Variants in DACH2 observed in about 807,000 individuals in gnomAD.
DACH2 encodes dachshund family transcription factor 2, also known as dachshund homolog 2.
Under a neutral mutation model 35.8 loss-of-function variants are expected in DACH2, and 17 were observed. That is an observed-to-expected ratio of 0.48 (90% CI 0.33 to 0.71). DACH2 has a LOEUF of 0.71. DACH2 is among the 30% of genes least tolerant of loss of function. DACH2 has a pLI of 0.02. For missense variants in DACH2, 469 were observed against 472.7 expected, an observed-to-expected ratio of 0.99 and a Z score of 0.07; for synonymous variants, 195 against 177.3, an observed-to-expected ratio of 1.10 and a Z score of -0.79.
chrX:86,233,484 A>T (rs1159304588), intron 1 of DACH2, among the ~76,000 whole-genome samples: 1 of 112,223 alleles, frequency 8.9e-6, no homozygotes, highest in East Asian at 2.8e-4. Flanking sequence ...ACTCTTTTGG[A>T]CCATCCATTT....
intron 1 of DACH2, among the ~76,000 whole-genome samples, chrX:86,285,744 G>A (rs1186423053): frequency 2.7e-5 from 3 of 111,716 alleles, no homozygotes; most frequent in African/African-American, 9.8e-5. Context: ...TGAAAGATCT[G>A]TCCAATGCTG....
chrX:86,426,017 A>G lies in DACH2; in HGVS notation c.527+49155A>G, dbSNP rs1462991436. 6.3e-5 allele frequency among the ~76,000 whole-genome samples: 7 copies of G among 111,388 alleles called. No homozygotes were observed. The Admixed American group carries it at 6.7e-4, about 11-fold the overall frequency. Reference sequence around the variant, plus strand: ...AAGAAGGAAATGTTTGCATTACTGAAACCGCATGCTTAGAAGACTCATATA... The same window carrying G: ...AAGAAGGAAATGTTTGCATTACTGAGACCGCATGCTTAGAAGACTCATATA... On this transcript the variant is annotated intron_variant, in intron 2 of 11. Transcript: ENST00000373125.
intron 7 of DACH2, among the ~76,000 whole-genome samples, chrX:86,805,496 T>C (rs1211840538): frequency 8.9e-6 from 1 of 112,231 alleles, no homozygotes; most frequent in Non-Finnish European, 1.9e-5. Context: ...CTATTAACAT[T>C]TAGCTCCTCT....
intron 4 of DACH2, among the ~76,000 whole-genome samples, chrX:86,669,196 T>C (rs2040735449): frequency 9.1e-6 from 1 of 110,442 alleles, no homozygotes; most frequent in South Asian, 4.0e-4. Flanking sequence ...AGAAATTATA[T>C]GCATTAAGAA....
At chrX:86,220,872 A>T (rs1485355436) in intron 1 of DACH2, among the ~76,000 whole-genome samples, 2 of 112,141 alleles carry the variant, frequency 1.8e-5, no homozygotes, top group Admixed American at 9.5e-5. Context: ...CATCCTTGCT[A>T]ATGCTTGTTA....
At chrX:86,483,209 G>C (rs993192634) in intron 2 of DACH2, among the ~76,000 whole-genome samples, 2 of 109,366 alleles carry the variant, frequency 1.8e-5, no homozygotes, top group Admixed American at 9.7e-5. Flanking sequence ...CAGAACAACT[G>C]TCCTTGGTCC....
intron 1 of DACH2, among the ~76,000 whole-genome samples, chrX:86,156,379 CT>C (rs1041300506): frequency 1.8e-4 from 20 of 111,348 alleles, no homozygotes; most frequent in African/African-American, 5.8e-4. Flanking sequence ...GTTTATTCCT[CT>C]TATTAGAATT....
intron 2 of DACH2, among the ~76,000 whole-genome samples, chrX:86,383,030 G>T (rs972531326): frequency 1.8e-5 from 2 of 110,537 alleles, no homozygotes; most frequent in African/African-American, 3.3e-5. Context: ...CTAGTTCAGA[G>T]AATCAAAATC....
chrX:86,656,502 C>T (rs2040541579), intron 4 of DACH2, among the ~76,000 whole-genome samples: 1 of 110,123 alleles, frequency 9.1e-6, no homozygotes, highest in African/African-American at 3.3e-5. Flanking sequence ...AATCAATTTT[C>T]TAGTATAGTT....
intron 1 of DACH2, among the ~76,000 whole-genome samples, chrX:86,367,893 C>T (rs750175308): frequency 8.3e-4 from 93 of 111,643 alleles, no homozygotes; most frequent in Non-Finnish European, 1.4e-3. Flanking sequence ...TGGCTTTAGA[C>T]TTTCTGTTGC....
intron 3 of DACH2, among the ~76,000 whole-genome samples, chrX:86,550,854 T>C (rs768781653): frequency 8.9e-6 from 1 of 112,053 alleles, no homozygotes; most frequent in African/African-American, 3.2e-5. Context: ...GTTGTGTACC[T>C]GATAAATGTA....
rs1198555244 is a variant in DACH2, at chrX:86,816,096, C to A, written c.1747C>A (p.Gln583Lys). The A allele has an allele frequency of 8.6e-7, 1 of 1,164,977 alleles. No homozygotes were observed. ...NGTPHDSAAM[Q>K]GGNYYCLEMA... ...GACTCCTCATGATAGTGCTGCTATG[C>A]AAGGTACAGTCAACTGAAAACTTCT... Residue 583 changes from glutamine to lysine, a missense_variant, in exon 11 of 12, where the codon CAA becomes AAA. Physicochemically the swap from Gln to Lys is moderately conservative, Grantham distance 53. This residue lies in a region of DACH2 where 363 missense variants were observed against 334.4 expected (regional missense o/e 1.09). Coordinates refer to ENST00000373125, the MANE Select transcript of DACH2 (RefSeq NM_053281.3).
chrX:86,709,464 C>T (rs1448940448), intron 5 of DACH2, among the ~76,000 whole-genome samples: 2 of 112,027 alleles, frequency 1.8e-5, no homozygotes, highest in Non-Finnish European at 3.8e-5. Context: ...TAGAAGATAA[C>T]ATCAGAGAAA....
At chrX:86,249,076 A>G (rs1185425124) in intron 1 of DACH2, among the ~76,000 whole-genome samples, 2 of 111,732 alleles carry the variant, frequency 1.8e-5, no homozygotes, top group Non-Finnish European at 3.8e-5. Flanking sequence ...AAAAACTTAT[A>G]GGTAAAACCT....
intron 4 of DACH2, among the ~76,000 whole-genome samples, chrX:86,687,570 C>A (rs1369212120): frequency 9.0e-6 from 1 of 111,550 alleles, no homozygotes; most frequent in Non-Finnish European, 1.9e-5. Context: ...ATAAAACATT[C>A]TATGATAAAG....
intron 3 of DACH2, among the ~76,000 whole-genome samples, chrX:86,523,298 T>C (rs2038584670): frequency 9.0e-6 from 1 of 110,966 alleles, no homozygotes. Flanking sequence ...CCAATTAACT[T>C]CATTGCATCA....
At chrX:86,611,175 T>C (rs762971485) in intron 3 of DACH2, among the ~76,000 whole-genome samples, 3 of 110,960 alleles carry the variant, frequency 2.7e-5, no homozygotes, top group Non-Finnish European at 5.7e-5. Context: ...GGAAATTGGT[T>C]TCCTTTTGGC....
chrX:86,793,732 A>G (rs761528919), intron 7 of DACH2, among the ~76,000 whole-genome samples: 2 of 112,373 alleles, frequency 1.8e-5, no homozygotes, highest in South Asian at 7.2e-4. Flanking sequence ...ACTTACACAA[A>G]CACGTAAAGC....
chrX:86,392,864 G>T (rs2036224960), intron 2 of DACH2, among the ~76,000 whole-genome samples: 1 of 111,281 alleles, frequency 9.0e-6, no homozygotes, highest in Non-Finnish European at 1.9e-5. Flanking sequence ...AAGGTCCTAT[G>T]CCAGTGGTTC....
Sources: allele counts gnomAD v4.1 joint callset (sites outside exome capture counted in the v4.1 genomes callset), GRCh38; gene constraint gnomAD v4.1.1; regional missense constraint gnomAD v4.1.1; transcripts MANE v1.5; gene names NCBI Gene and HGNC (gene_info 2026-07-23, HGNC 2026-07-21).